Variants in ODF2 observed in about 807,000 individuals in gnomAD.
The protein encoded by ODF2 is outer dense fiber of sperm tails 2, also known as outer dense fiber protein 2.
In ODF2, 47 loss-of-function variants were observed where a neutral mutation model predicts 110.2. That is an observed-to-expected ratio of 0.43 (90% CI 0.34 to 0.54). The LOEUF is 0.54. Ranked by LOEUF, ODF2 falls within the 20% of genes least tolerant of loss-of-function variation. The probability of loss-of-function intolerance (pLI) is 0.03; values close to 1 mark genes in which losing one functional copy is unlikely to be tolerated. For missense variants in ODF2, 812 were observed against 1,054.5 expected (o/e 0.77, Z 3.19); for synonymous variants, 352 against 397.7 (o/e 0.89, Z 1.37).
intron 2 of ODF2, among the ~76,000 whole-genome samples, chr9:128,458,734 C>T (rs1026012583): frequency 1.3e-5 from 2 of 151,908 alleles, no homozygotes; most frequent in African/African-American, 4.8e-5. Flanking sequence ...ATTTTGGGAA[C>T]TAGATACTTT....
At chr9:128,457,153 GC>G in intron 1 of ODF2, 1 of 1,477,240 alleles carries the variant, frequency 6.8e-7, no homozygotes. Context: ...CCTCCCCTCT[GC>G]CCCCAGGTCG....
chr9:128,491,202 G>A (rs1357086456), intron 14 of ODF2, among the ~76,000 whole-genome samples: 1 of 151,668 alleles, frequency 6.6e-6, no homozygotes, highest in African/African-American at 2.4e-5. Context: ...ATGCCAGCAC[G>A]TCCGGCTGAT....
chr9:128,481,863 G>C (rs1203903676), intron 9 of ODF2, among the ~76,000 whole-genome samples: 1 of 152,204 alleles, frequency 6.6e-6, no homozygotes, highest in Non-Finnish European at 1.5e-5. Context: ...GAGCCACAAA[G>C]CTGGACACCA....
At chr9:128,489,712 C>T (rs553230806) in intron 14 of ODF2, among the ~76,000 whole-genome samples, 5 of 152,228 alleles carry the variant, frequency 3.3e-5, no homozygotes, top group African/African-American at 9.6e-5. Flanking sequence ...ACATTTGGTG[C>T]GTCTTTATTG....
At chr9:128,499,120 T>A (rs1419686015) in exon 20 of ODF2, 1 of 1,614,062 alleles carries the variant, frequency 6.2e-7, no homozygotes, top group South Asian at 1.1e-5. Flanking sequence ...GGCGGAGCCG[T>A]GATGATGTGA....
intron 1 of ODF2, chr9:128,457,052 A>G: frequency 7.7e-7 from 1 of 1,293,086 alleles, no homozygotes; most frequent in Non-Finnish European, 1.0e-6. Context: ...CCGGCGCCTC[A>G]GGTTTCCCCC....
chr9:128,495,060 T>G (rs1182333583), intron 17 of ODF2, among the ~76,000 whole-genome samples: 1 of 152,252 alleles, frequency 6.6e-6, no homozygotes, highest in Non-Finnish European at 1.5e-5. Flanking sequence ...CTTTAACAGA[T>G]GCACTGCCTG....
chr9:128,457,508 C>G (rs1427556642), intron 2 of ODF2: 5 of 1,492,368 alleles, frequency 3.4e-6, no homozygotes, highest in Non-Finnish European at 4.5e-6. Flanking sequence ...AGGGCAGGCT[C>G]GCCTGAGGCT....
Position 128,482,969 on chromosome 9 carries a change from C to T in ODF2, c.987+82C>T, listed in dbSNP as rs374480255. On this transcript the variant is annotated intron_variant, in intron 10 of 20. Coordinates refer to ENST00000604420, the Ensembl canonical transcript of ODF2. Reference sequence around the variant, plus strand: ...GGAGTGCAATGGCGCGATCTCAGCTCGCTGCAACCTCTGCCTCCCGGATTT... The same window carrying T: ...GGAGTGCAATGGCGCGATCTCAGCTTGCTGCAACCTCTGCCTCCCGGATTT... 98 of 1,059,094 alleles carry T rather than the reference C, an allele frequency of 9.3e-5. No homozygotes were observed. In the East Asian group the frequency reaches 1.7e-3, roughly 18 times the overall value. 65.6% of individuals were successfully genotyped at this position (1,059,094 alleles called of 1,614,324 possible).
rs1271277869 is a variant in ODF2 at position 128,471,093 on chromosome 9, C to T, written c.421-215C>T. On this transcript the variant is annotated intron_variant, in intron 5 of 20. Coordinates refer to ENST00000604420, the Ensembl canonical transcript of ODF2. ...CACATCTGGCTAATTTTTGTATTTT[C>T]AGTAGAGATGGGGTTTCACCATGTT... Among the ~76,000 whole-genome samples, 3 of 151,936 alleles carry T rather than the reference C, an allele frequency of 2.0e-5. No homozygotes were observed. In the East Asian group the frequency reaches 5.8e-4, roughly 29 times the overall value.
chr9:128,473,184 A>C (rs1588841556), intron 7 of ODF2, 142 bp downstream of exon 7: 1 of 1,462,842 alleles, frequency 6.8e-7, no homozygotes. Flanking sequence ...CTAGGCCCCC[A>C]CCCACCACTC....
At chr9:128,457,195 C>G (rs1430111971) in intron 1 of ODF2, 1 of 1,539,212 alleles carries the variant, frequency 6.5e-7, no homozygotes, top group Non-Finnish European at 8.7e-7. Context: ...CCTACTTTGG[C>G]AGGACAGTTG....
intron 6 of ODF2, among the ~76,000 whole-genome samples, chr9:128,472,165 A>C (rs1840181417): frequency 6.6e-6 from 1 of 152,054 alleles, no homozygotes; most frequent in East Asian, 1.9e-4. Context: ...CTATAATCCT[A>C]GCTACTCTGG....
At chr9:128,491,308 G>T (rs1844492571) in intron 14 of ODF2, among the ~76,000 whole-genome samples, 3 of 151,918 alleles carry the variant, frequency 2.0e-5, no homozygotes, top group South Asian at 2.1e-4. Context: ...CTCCCAAAGT[G>T]CTGGGATTAC....
chr9:128,456,850 C>G (rs536124470), intron 1 of ODF2: 1 of 1,309,856 alleles, frequency 7.6e-7, no homozygotes, highest in Non-Finnish European at 9.7e-7. Context: ...GCCCGGGGCC[C>G]GTGCAACCTC....
intron 6 of ODF2, 145 bp downstream of exon 6, chr9:128,471,613 AATT>A: frequency 3.1e-6 from 2 of 644,804 alleles, no homozygotes; most frequent in Non-Finnish European, 5.3e-6. Flanking sequence ...TCACACAATT[AATT>A]ACAGTTAATT....
intron 4 of ODF2, among the ~76,000 whole-genome samples, chr9:128,462,845 A>G (rs138179370): frequency 0.012 from 1,873 of 152,234 alleles, 30 homozygotes; most frequent in African/African-American, 0.043. Flanking sequence ...CGCCTACCTC[A>G]GCCTCCCAAA....
chr9:128,482,665 T>A, intron 9 of ODF2, 151 bp from the exon 10 acceptor site: 1 of 537,226 alleles, frequency 1.9e-6, no homozygotes, highest in South Asian at 3.0e-5. Flanking sequence ...TTAATGCATA[T>A]GTTAGGTGCT....
At chr9:128,487,995 C>A in exon 14 of ODF2, 1 of 1,613,956 alleles carries the variant, frequency 6.2e-7, no homozygotes, top group Non-Finnish European at 8.5e-7. Context: ...CTGAGTATTC[C>A]GCATTCAAGC....
Sources: allele counts gnomAD v4.1 joint callset (sites outside exome capture counted in the v4.1 genomes callset), GRCh38; gene constraint gnomAD v4.1.1; transcripts MANE v1.5; gene names NCBI Gene and HGNC (gene_info 2026-07-23, HGNC 2026-07-21).